The following PTCHD4 variants were observed in gnomAD, a reference collection of about 807,000 sequenced individuals.
PTCHD4 encodes the protein patched domain-containing protein 4.
In PTCHD4, 33 loss-of-function variants were observed where a neutral mutation model predicts 58.1. The ratio of observed to expected loss-of-function variants is 0.57; its 90% CI spans 0.43 to 0.76. The LOEUF is 0.76. Among genes scored for constraint, PTCHD4 ranks in the 30% least tolerant of loss-of-function variants. The pLI, the probability that PTCHD4 is intolerant of heterozygous loss-of-function variation, is 0.00. For synonymous variants in PTCHD4, 478 were observed against 409.6 expected, an observed-to-expected ratio of 1.17 and a Z score of -2.02; for missense variants, 1,058 against 1,027.1, an observed-to-expected ratio of 1.03 and a Z score of -0.41.
intron 4 of PTCHD4, among the ~76,000 whole-genome samples, chr6:47,895,737 C>T: frequency 6.6e-6 from 1 of 151,962 alleles, no homozygotes; most frequent in Non-Finnish European, 1.5e-5. Flanking sequence ...TGGAATTCAT[C>T]ATCTTAAATT....
chr6:48,072,170 C>T (rs959023585), intron 1 of PTCHD4, among the ~76,000 whole-genome samples: 1 of 152,092 alleles, frequency 6.6e-6, no homozygotes, highest in Non-Finnish European at 1.5e-5. Flanking sequence ...TTAGGCTCTA[C>T]CTCCTTCCTC....
At chr6:47,965,482 T>C (rs1767250663) in intron 4 of PTCHD4, among the ~76,000 whole-genome samples, 1 of 152,202 alleles carries the variant, frequency 6.6e-6, no homozygotes, top group Non-Finnish European at 1.5e-5. Context: ...TTTCCTTGTT[T>C]TAATAGGAGT....
In PTCHD4 at chr6:48,068,265, T is replaced by A; in HGVS notation, c.382A>T (p.Ile128Phe). Residue 128 changes from isoleucine to phenylalanine, a missense_variant, in exon 3 of 5, where the codon ATC (isoleucine) becomes TTC (phenylalanine). Transcript: ENST00000339488. The surrounding 1 kb of genome is among the most constrained non-coding windows in gnomAD (Gnocchi z 4.2). ...GDNILLQAEGILQTHRAVLEM... is the reference protein window; with the variant it reads ...GDNILLQAEGFLQTHRAVLEM... ...AGCACGGCTCGGTGGGTCTGCAGGA[T>A]CCCCTCAGCCTGGAGCAAAATATTG... is the stretch of plus-strand genomic sequence containing the variant. The A allele has an allele frequency of 6.3e-7, 1 of 1,596,094 alleles. No homozygotes were observed. The highest frequency in any genetic ancestry group is 8.6e-7 in the Non-Finnish European group (1 of 1,167,910).
At chr6:48,099,251 G>A (rs567662710) in intron 1 of PTCHD4, among the ~76,000 whole-genome samples, 70 of 152,274 alleles carry the variant, frequency 4.6e-4, no homozygotes, top group African/African-American at 1.6e-3. Flanking sequence ...AGGGATACCT[G>A]CTTCCAGGGC....
intron 4 of PTCHD4, among the ~76,000 whole-genome samples, chr6:47,926,779 G>A (rs947302683): frequency 2.0e-5 from 3 of 152,150 alleles, no homozygotes; most frequent in Non-Finnish European, 4.4e-5. Context: ...GATCTGTAAT[G>A]TGAAGGAAGT....
At chr6:47,918,794 T>C (rs1765339338) in intron 4 of PTCHD4, among the ~76,000 whole-genome samples, 1 of 152,168 alleles carries the variant, frequency 6.6e-6, no homozygotes, top group Admixed American at 6.6e-5. Context: ...AATGGTTACA[T>C]AGATTAACTT....
chr6:47,906,729 G>T (rs1264736021), intron 4 of PTCHD4, among the ~76,000 whole-genome samples: 1 of 152,118 alleles, frequency 6.6e-6, no homozygotes, highest in Non-Finnish European at 1.5e-5. Flanking sequence ...GGTAATTATG[G>T]TGAAATCTCT....
chr6:48,011,072 A>G (rs1197424743), intron 3 of PTCHD4, among the ~76,000 whole-genome samples: 3 of 152,226 alleles, frequency 2.0e-5, no homozygotes, highest in Non-Finnish European at 4.4e-5. Context: ...AGAATGATTT[A>G]TAATCCTTTG....
At chr6:48,011,063 G>C (rs1480905435) in intron 3 of PTCHD4, among the ~76,000 whole-genome samples, 1 of 152,194 alleles carries the variant, frequency 6.6e-6, no homozygotes, top group African/African-American at 2.4e-5. Flanking sequence ...CTTTACAGCA[G>C]AATGATTTAT....
intron 4 of PTCHD4, chr6:47,899,489 T>C (rs1457265689): frequency 1.5e-6 from 1 of 663,922 alleles, no homozygotes; most frequent in East Asian, 1.4e-4. Flanking sequence ...TTTGAATTCA[T>C]TTTATTAGGG....
rs201286238 is a variant in PTCHD4 at position 48,009,153 on chromosome 6, T to G, written c.418-39A>C. ...AAAGAAGAGACTTCAGTTACGGATG[T>G]ATATTCCAGGGAATAGATTCTTACT... On this transcript the variant is annotated intron_variant, in intron 3 of 4. Coordinates refer to ENST00000339488, the MANE Select transcript of PTCHD4 (RefSeq NM_001384253.1). 3,925 of 1,551,306 alleles carry G rather than the reference T, an allele frequency of 2.5e-3. 7 individuals carry two copies. The highest frequency in any genetic ancestry group is 3.0e-3 in the Non-Finnish European group (3,486 of 1,150,304).
chr6:48,097,106 CTCTTT>C (rs1248748008), intron 1 of PTCHD4, among the ~76,000 whole-genome samples: 1 of 151,992 alleles, frequency 6.6e-6, no homozygotes, highest in Non-Finnish European at 1.5e-5. Context: ...AGATCAAAAA[CTCTTT>C]TCTTAGAAAA....
At chr6:48,062,822 T>C (rs1764676202) in intron 3 of PTCHD4, among the ~76,000 whole-genome samples, 1 of 152,182 alleles carries the variant, frequency 6.6e-6, no homozygotes, top group South Asian at 2.1e-4. Flanking sequence ...ATGATAATTA[T>C]CTACTATGTG....
At position 47,858,230 on chromosome 6, in the gene PTCHD4, A is replaced by G. The variant is rs1763342317; in HGVS notation, c.*20073T>C. ...AAACATACTTGATTTTATAGCAGGC[A>G]CCCCCAATTTTGGATTCAGGGGCAG... On this transcript the variant is annotated 3_prime_UTR_variant, in exon 5 of 5. Transcript: ENST00000339488. Among the ~76,000 whole-genome samples the G allele has an allele frequency of 6.6e-6, 1 of 151,872 alleles. No individual in the cohort carries two copies. The highest frequency in any genetic ancestry group is 2.1e-4 in the South Asian group (1 of 4,822).
At chr6:47,902,465 T>TA (rs1001451626) in intron 4 of PTCHD4, among the ~76,000 whole-genome samples, 1 of 152,176 alleles carries the variant, frequency 6.6e-6, no homozygotes, top group African/African-American at 2.4e-5. Context: ...GGTAAAACTA[T>TA]AAAAGCTCAG....
intron 4 of PTCHD4, chr6:47,890,931 T>C: frequency 1.0e-6 from 1 of 981,710 alleles, no homozygotes; most frequent in Non-Finnish European, 1.2e-6. Flanking sequence ...ATATGGGCCG[T>C]TCACTGTGGC....
intron 4 of PTCHD4, among the ~76,000 whole-genome samples, chr6:47,990,443 T>G (rs777426681): frequency 4.6e-5 from 7 of 152,154 alleles, no homozygotes; most frequent in Non-Finnish European, 7.3e-5. Context: ...AATTCCCACA[T>G]GTTGTGGGAG....
At chr6:47,895,549 A>G (rs1764505535) in intron 4 of PTCHD4, among the ~76,000 whole-genome samples, 1 of 152,246 alleles carries the variant, frequency 6.6e-6, no homozygotes, top group African/African-American at 2.4e-5. Context: ...TTTCAAATAA[A>G]TCAAACAACT....
intron 4 of PTCHD4, among the ~76,000 whole-genome samples, chr6:47,956,357 A>G (rs1434729000): frequency 6.6e-6 from 1 of 152,242 alleles, no homozygotes; most frequent in Non-Finnish European, 1.5e-5. Flanking sequence ...TGAAGCACAG[A>G]GATATAACTT....
Sources: allele counts gnomAD v4.1 joint callset (sites outside exome capture counted in the v4.1 genomes callset), GRCh38; gene constraint gnomAD v4.1.1; non-coding constraint Gnocchi (gnomAD v3.1); transcripts MANE v1.5; gene names NCBI Gene and HGNC (gene_info 2026-07-23, HGNC 2026-07-21).